The following SOX6 variants were observed in gnomAD, a reference collection of about 807,000 sequenced individuals.
SOX6 encodes the protein transcription factor SOX-6.
A neutral mutation model predicts 97.8 loss-of-function variants in SOX6; 11 were observed. The observed-to-expected ratio is 0.11, with a 90% CI of 0.07 to 0.19. SOX6 has a LOEUF of 0.19. Among genes scored for constraint, SOX6 ranks in the 10% least tolerant of loss-of-function variants. The probability of loss-of-function intolerance (pLI) is 1.00; values close to 1 mark genes in which losing one functional copy is unlikely to be tolerated. For missense variants in SOX6, 810 were observed against 1,039.5 expected (o/e 0.78, Z 3.04); for synonymous variants, 360 against 371.4 (o/e 0.97, Z 0.35).
intron 4 of SOX6, among the ~76,000 whole-genome samples, chr11:16,198,438 C>A (rs1851850535): frequency 6.6e-6 from 1 of 151,964 alleles, no homozygotes; most frequent in Non-Finnish European, 1.5e-5. Context: ...AACTCACTTT[C>A]TAACGTAACT....
intron 12 of SOX6, among the ~76,000 whole-genome samples, chr11:16,043,840 A>G (rs1298794556): frequency 6.6e-6 from 1 of 152,028 alleles, no homozygotes; most frequent in Non-Finnish European, 1.5e-5. Flanking sequence ...AGCTGGAGAG[A>G]GTCACCTCAC....
Position 16,402,849 on chromosome 11 carries a change from A to G in SOX6, c.-4-61597T>C, listed in dbSNP as rs748057913. The G allele has an allele frequency of 1.1e-5, 17 of 1,542,694 alleles. No homozygotes were observed. In the Admixed American group the frequency reaches 1.2e-4, roughly 11 times the overall value. The stretch of plus-strand genomic sequence containing the variant: ...TGACCTTTCATCTTTCCTATCCCCA[A>G]TGGTCTCTCCTAACAACTAAAACTA... On this transcript the variant is annotated intron_variant, in intron 1 of 15. Transcript: ENST00000396356.
intron 6 of SOX6, among the ~76,000 whole-genome samples, chr11:16,127,308 T>A (rs1456576937): frequency 6.6e-6 from 1 of 152,072 alleles, no homozygotes; most frequent in Non-Finnish European, 1.5e-5. Context: ...TTTGTTGTTT[T>A]TGCACTCAAA....
intron 1 of SOX6, among the ~76,000 whole-genome samples, chr11:16,400,261 A>G (rs927182757): frequency 6.6e-6 from 1 of 151,506 alleles, no homozygotes; most frequent in Non-Finnish European, 1.5e-5. Context: ...CTGGAAACAA[A>G]TAGAACAGCA....
At position 16,132,068 on chromosome 11, in the gene SOX6, G is replaced by T. The variant is rs532437542; in HGVS notation, c.778-20145C>A. Among the ~76,000 whole-genome samples, 26 of 151,582 alleles carry T rather than the reference G, an allele frequency of 1.7e-4. No homozygotes were observed. In the South Asian group the frequency reaches 5.4e-3, roughly 31 times the overall value. ...AGCAGGAAAAAAATTGTCCTATAAA[G>T]CAGGCATTACTTCATTACTTTCCCA... On this transcript the variant is annotated intron_variant, in intron 6 of 15. Coordinates refer to ENST00000683767, the MANE Select transcript of SOX6 (RefSeq NM_001367873.1).
At chr11:16,511,951 T>C (rs1425156237) in intron 4 of SOX6, among the ~76,000 whole-genome samples, 2 of 152,170 alleles carry the variant, frequency 1.3e-5, no homozygotes, top group African/African-American at 4.8e-5. Flanking sequence ...CAGAATTCAT[T>C]CAAGAGGAAA....
intron 1 of SOX6, among the ~76,000 whole-genome samples, chr11:16,393,397 A>G (rs1236206018): frequency 7.2e-6 from 1 of 137,932 alleles, no homozygotes; most frequent in Non-Finnish European, 1.6e-5. Context: ...ACTTCCTGGC[A>G]TTTGTTTTCA....
rs151028715 is a variant in SOX6 at position 16,397,314 on chromosome 11, C to T, written c.-4-56062G>A. On this transcript the variant is annotated intron_variant, in intron 1 of 15. Transcript: ENST00000396356. ...CTACCAATAGCATGTATAGGGATCT[C>T]ATTAACAAACAGATTTAGAACTTTT... 6.6e-5 allele frequency: 10 copies of T among 152,016 alleles called. No individual in the cohort carries two copies. The East Asian group carries it at 1.9e-3, about 29-fold the overall frequency. The allele number at this position is 152,016 out of a possible 1,614,324, so 9.4% of individuals were successfully genotyped here. A position where few individuals can be genotyped will look rare whatever the true frequency, so the allele number is the denominator to read the frequency against.
intron 12 of SOX6, among the ~76,000 whole-genome samples, chr11:16,029,902 A>G (rs1855317749): frequency 6.6e-6 from 1 of 152,174 alleles, no homozygotes; most frequent in East Asian, 1.9e-4. Context: ...CATATATTTG[A>G]CACAAAGAAG....
At chr11:16,160,130 A>G (rs1850709472) in intron 6 of SOX6, among the ~76,000 whole-genome samples, 1 of 152,206 alleles carries the variant, frequency 6.6e-6, no homozygotes, top group Non-Finnish European at 1.5e-5. Context: ...GGTTTAAGGT[A>G]CAAGATATTT....
At chr11:16,690,329 G>A (rs1036527955) in intron 3 of SOX6, among the ~76,000 whole-genome samples, 1 of 152,050 alleles carries the variant, frequency 6.6e-6, no homozygotes, top group Non-Finnish European at 1.5e-5. Flanking sequence ...GAATCACCAG[G>A]GATCTTAGCC....
intron 4 of SOX6, among the ~76,000 whole-genome samples, chr11:16,494,213 C>A (rs1416839943): frequency 6.6e-6 from 1 of 151,924 alleles, no homozygotes; most frequent in Non-Finnish European, 1.5e-5. Flanking sequence ...CCCATCTCCA[C>A]TAAAAATACA....
chr11:16,294,984 A>G (rs942059162), intron 3 of SOX6, among the ~76,000 whole-genome samples: 5 of 152,078 alleles, frequency 3.3e-5, no homozygotes, highest in African/African-American at 9.7e-5. Flanking sequence ...CCTGTAATCT[A>G]ACTGTCAGAT....
chr11:16,108,691 A>T (rs903046161), intron 7 of SOX6, among the ~76,000 whole-genome samples: 1 of 152,192 alleles, frequency 6.6e-6, no homozygotes, highest in Non-Finnish European at 1.5e-5. Flanking sequence ...AGAGAGAACA[A>T]TCTGAAAGAT....
chr11:16,606,340 G>A (rs1848333880), intron 4 of SOX6, among the ~76,000 whole-genome samples: 1 of 151,990 alleles, frequency 6.6e-6, no homozygotes, highest in South Asian at 2.1e-4. Flanking sequence ...GCCTGCGGCG[G>A]TAACAAGAGA....
intron 12 of SOX6, among the ~76,000 whole-genome samples, chr11:16,022,710 A>G (rs568055474): frequency 2.0e-5 from 3 of 152,150 alleles, no homozygotes; most frequent in African/African-American, 4.8e-5. Flanking sequence ...ACTGCGCCCA[A>G]TCAATGCTTT....
chr11:16,652,938 C>A (rs987516341), intron 3 of SOX6, among the ~76,000 whole-genome samples: 2 of 151,940 alleles, frequency 1.3e-5, no homozygotes, highest in African/African-American at 2.4e-5. Flanking sequence ...ATAACCACAT[C>A]AAAAACTGGG....
chr11:16,473,409 G>A (rs1274547498), intron 1 of SOX6, among the ~76,000 whole-genome samples: 3 of 152,098 alleles, frequency 2.0e-5, no homozygotes, highest in Non-Finnish European at 4.4e-5. Context: ...ATACTTTATT[G>A]CTAAAAAATC....
intron 4 of SOX6, among the ~76,000 whole-genome samples, chr11:16,201,879 C>A (rs187627465): frequency 0.013 from 1,791 of 135,434 alleles, 130 homozygotes; most frequent in African/African-American, 0.048. Flanking sequence ...GTGATCCGCC[C>A]GCCTCGGCCT....
Sources: gnomAD v4.1 joint callset for allele counts (sites outside exome capture counted in the v4.1 genomes callset) on GRCh38, gnomAD v4.1.1 for gene constraint, MANE v1.5 for transcripts, NCBI Gene and HGNC (gene_info 2026-07-23, HGNC 2026-07-21) for gene names.